The following TTC7B variants were observed in gnomAD, a reference collection of about 807,000 sequenced individuals.
The protein encoded by TTC7B is tetratricopeptide repeat domain 7B, also known as tetratricopeptide repeat protein 7B.
In TTC7B, 28 loss-of-function variants were observed where a neutral mutation model predicts 106.8. The ratio of observed to expected loss-of-function variants is 0.26; its 90% CI spans 0.19 to 0.36. The LOEUF (loss-of-function observed/expected upper bound fraction) is 0.36, where lower values mean the gene tolerates loss of function less well. Ranked by LOEUF, TTC7B falls within the 10% of genes least tolerant of loss-of-function variation. TTC7B has a pLI of 1.00. For missense variants in TTC7B, 862 were observed against 1,076.4 expected (o/e 0.80, Z 2.79); for synonymous variants, 405 against 430.6 (o/e 0.94, Z 0.74).
chr14:90,695,032 T>A (rs1236521653), intron 6 of TTC7B, among the ~76,000 whole-genome samples: 3 of 47,498 alleles, frequency 6.3e-5, no homozygotes, highest in African/African-American at 1.5e-4. Context: ...TATGTATATT[T>A]TTTATTTTAT....
At position 90,805,642 on chromosome 14, in the gene TTC7B, T is replaced by TC. The variant is rs151204471; in HGVS notation, c.121+10532dup. Among the ~76,000 whole-genome samples, 1,673 of 152,320 alleles carry TC rather than the reference T, an allele frequency of 0.011. 33 individuals carry two copies. Among genetic ancestry groups the TC allele is most frequent in the African/African-American group, 0.039 (1,608 of 41,562 alleles). ...GGGTACCCAGAGCTGGCTTCGCTTT[T>TC]CCCTCGGGCATTATTTGGGGTTTAA... On this transcript the variant is annotated intron_variant, in intron 1 of 19. Transcript: ENST00000328459. This position sits in a 1 kb window ranked among gnomAD's most constrained non-coding sequence, Gnocchi z 4.0.
intron 19 of TTC7B, among the ~76,000 whole-genome samples, chr14:90,567,906 C>T (rs1035868556): frequency 6.6e-6 from 1 of 152,206 alleles, no homozygotes; most frequent in South Asian, 2.1e-4. Context: ...AGACTTCTTA[C>T]AGGATATTCT....
chr14:90,757,726 T>C lies in TTC7B; in HGVS notation c.446-12804A>G, dbSNP rs987482003. On this transcript the variant is annotated intron_variant, in intron 3 of 19. Coordinates refer to ENST00000328459, the MANE Select transcript of TTC7B (RefSeq NM_001010854.2). This position sits in a 1 kb window ranked among gnomAD's most constrained non-coding sequence, Gnocchi z 4.1. ...CTCTAGGATGACACCTAGAAGATCA[T>C]GGTCATTAGCAAATATCCAATTCAT... Among the ~76,000 whole-genome samples the C allele has an allele frequency of 3.3e-5, 5 of 152,174 alleles. No individual in the cohort carries two copies. The highest frequency in any genetic ancestry group is 6.5e-5 in the Admixed American group (1 of 15,290).
chr14:90,788,089 CA>C (rs1213348320), intron 1 of TTC7B, among the ~76,000 whole-genome samples: 4 of 149,376 alleles, frequency 2.7e-5, no homozygotes, highest in Non-Finnish European at 6.0e-5. Context: ...CACTTGAACC[CA>C]GGAGTGGAAG....
intron 3 of TTC7B, among the ~76,000 whole-genome samples, chr14:90,777,225 G>C (rs1160472186): frequency 1.3e-5 from 2 of 152,198 alleles, no homozygotes; most frequent in Non-Finnish European, 2.9e-5. Context: ...GGGCAATAGA[G>C]CGAGACTCCG....
chr14:90,638,112 T>A (rs1452930116), intron 15 of TTC7B, among the ~76,000 whole-genome samples: 2 of 152,034 alleles, frequency 1.3e-5, no homozygotes, highest in African/African-American at 2.4e-5. Context: ...CTTGAACTCC[T>A]GAGCTCAAGC....
At chr14:90,586,147 T>C (rs556403491) in intron 18 of TTC7B, among the ~76,000 whole-genome samples, 35 of 152,326 alleles carry the variant, frequency 2.3e-4, no homozygotes, top group African/African-American at 7.7e-4. Context: ...AGACCCAGGT[T>C]CTCGCCTTCA....
At chr14:90,690,057 T>C (rs904851746) in intron 6 of TTC7B, among the ~76,000 whole-genome samples, 4 of 152,258 alleles carry the variant, frequency 2.6e-5, no homozygotes, top group African/African-American at 9.6e-5. Context: ...GAGCTGCAGA[T>C]ATTAGCATCA....
chr14:90,689,964 T>C (rs1887406401), intron 6 of TTC7B, among the ~76,000 whole-genome samples: 1 of 152,234 alleles, frequency 6.6e-6, no homozygotes, highest in Admixed American at 6.5e-5. Flanking sequence ...TGTCACACTC[T>C]GGAATACTAA....
rs557463957 is a variant in TTC7B at position 90,695,029 on chromosome 14, A to ATT, written c.777+469_777+470dup. On this transcript the variant is annotated intron_variant, in intron 6 of 19. Coordinates refer to ENST00000328459, the MANE Select transcript of TTC7B (RefSeq NM_001010854.2). ...ATATATTTATTATAAATATATGTAT[A>ATT]TTTTTTATTTTATTATAAAATATAT... Among the ~76,000 whole-genome samples, 26 of 36,528 alleles carry ATT rather than the reference A, an allele frequency of 7.1e-4. 1 individual carries two copies. The highest frequency in any genetic ancestry group is 1.9e-3 in the African/African-American group (22 of 11,756). The allele number at this position is 36,528 out of a possible 152,430, so 24.0% of individuals were successfully genotyped here.
At chr14:90,665,478 G>T (rs1302785309) in intron 9 of TTC7B, among the ~76,000 whole-genome samples, 4 of 152,202 alleles carry the variant, frequency 2.6e-5, no homozygotes, top group Non-Finnish European at 5.9e-5. Flanking sequence ...ATCAGAAAGG[G>T]ATTTAGCAAT....
At chr14:90,543,444 G>A (rs1889687838) in intron 19 of TTC7B, among the ~76,000 whole-genome samples, 1 of 152,100 alleles carries the variant, frequency 6.6e-6, no homozygotes, top group Admixed American at 6.5e-5. Flanking sequence ...ATGAATCAGG[G>A]GCCTTCCACT....
intron 4 of TTC7B, among the ~76,000 whole-genome samples, 191 bp downstream of exon 4, chr14:90,744,601 G>A (rs1441861369): frequency 6.6e-6 from 1 of 152,080 alleles, no homozygotes; most frequent in African/African-American, 2.4e-5. Flanking sequence ...GAGCCACCAC[G>A]CTGGCCCAAC....
chr14:90,816,065 G>A, intron 1 of TTC7B, 110 bp downstream of exon 1: 1 of 975,814 alleles, frequency 1.0e-6, no homozygotes, highest in Non-Finnish European at 1.2e-6. Flanking sequence ...GCTCCCTCGC[G>A]GCCCGGCCGC....
intron 5 of TTC7B, among the ~76,000 whole-genome samples, chr14:90,711,503 C>T (rs1175942345): frequency 6.6e-6 from 1 of 152,212 alleles, no homozygotes; most frequent in East Asian, 1.9e-4. Context: ...CTCACTGCAA[C>T]CTCTGCCTCG....
intron 9 of TTC7B, among the ~76,000 whole-genome samples, chr14:90,670,205 T>C (rs1886578681): frequency 6.6e-6 from 1 of 152,244 alleles, no homozygotes; most frequent in African/African-American, 2.4e-5. Flanking sequence ...TGTTATAACA[T>C]GGCTGAATCT....
At chr14:90,588,905 A>C (rs1487871168) in intron 18 of TTC7B, among the ~76,000 whole-genome samples, 10 of 131,104 alleles carry the variant, frequency 7.6e-5, no homozygotes, top group African/African-American at 1.3e-4. Flanking sequence ...AAAAAAAAAA[A>C]ACCCTTGGAA....
chr14:90,670,062 T>C (rs1886572957), intron 9 of TTC7B, among the ~76,000 whole-genome samples: 1 of 152,166 alleles, frequency 6.6e-6, no homozygotes, highest in South Asian at 2.1e-4. Flanking sequence ...TTATTCACAA[T>C]AGCCAAAAGG....
chr14:90,611,585 G>T (rs1478860475), intron 16 of TTC7B, among the ~76,000 whole-genome samples: 1 of 152,144 alleles, frequency 6.6e-6, no homozygotes, highest in Non-Finnish European at 1.5e-5. Context: ...CACAGGGACT[G>T]GGAGAGAACA....
Sources: gnomAD v4.1 joint callset for allele counts (sites outside exome capture counted in the v4.1 genomes callset) on GRCh38, gnomAD v4.1.1 for gene constraint, Gnocchi (gnomAD v3.1) non-coding constraint, MANE v1.5 for transcripts, NCBI Gene and HGNC (gene_info 2026-07-23, HGNC 2026-07-21) for gene names.